TNR: variants seen among roughly 807,000 people sequenced by gnomAD.
The protein encoded by TNR is tenascin R.
TNR carries 45 observed loss-of-function variants against 150.4 expected under a neutral mutation model. The ratio of observed to expected loss-of-function variants is 0.30; its 90% CI spans 0.24 to 0.38. TNR has a LOEUF of 0.38. Ranked by LOEUF, TNR falls within the 10% of genes least tolerant of loss-of-function variation. The pLI is 1.00. For synonymous variants in TNR, 687 were observed against 678.4 expected, an observed-to-expected ratio of 1.01 and a Z score of -0.20; for missense variants, 1,544 against 1,759.1, an observed-to-expected ratio of 0.88 and a Z score of 2.19.
At chr1:175,562,386 T>C (rs1661466272) in intron 1 of TNR, among the ~76,000 whole-genome samples, 1 of 152,206 alleles carries the variant, frequency 6.6e-6, no homozygotes, top group South Asian at 2.1e-4. Context: ...TCCTAAGTGC[T>C]AAACAGATTT....
At chr1:175,352,555 C>A (rs1651103832) in intron 18 of TNR, among the ~76,000 whole-genome samples, 1 of 152,102 alleles carries the variant, frequency 6.6e-6, no homozygotes, top group East Asian at 1.9e-4. Context: ...AAGAGGGTAG[C>A]ACCTTAGTTC....
chr1:175,535,614 A>C (rs1047165713), intron 1 of TNR, among the ~76,000 whole-genome samples: 1 of 148,278 alleles, frequency 6.7e-6, no homozygotes, highest in Non-Finnish European at 1.5e-5. Context: ...GCACTCGCCA[A>C]CATGCCCGGC....
chr1:175,372,655 G>A (rs1195378388), intron 9 of TNR, among the ~76,000 whole-genome samples: 2 of 152,320 alleles, frequency 1.3e-5, no homozygotes, highest in Middle Eastern at 3.4e-3. Context: ...GCCTGCTGTC[G>A]CTAGCAGGGA....
intron 2 of TNR, among the ~76,000 whole-genome samples, chr1:175,409,452 T>C (rs1654109449): frequency 6.6e-6 from 1 of 152,050 alleles, no homozygotes. Flanking sequence ...AGCTACAAAA[T>C]TACATAGAGG....
At chr1:175,713,715 G>A (rs933576347) in intron 1 of TNR, among the ~76,000 whole-genome samples, 11 of 152,186 alleles carry the variant, frequency 7.2e-5, no homozygotes, top group African/African-American at 2.4e-4. Context: ...CTTAGGAGAA[G>A]AGTGACATTT....
At position 175,322,428 on chromosome 1, in the gene TNR, A is replaced by C. The variant is rs1368218292; in HGVS notation, c.*929T>G. ...AGAGCCACTGTTCTTGAAAGGTAACAGGACATGTGGCTGGTATAATAAGAG... is the reference window on the plus strand; with the variant it reads ...AGAGCCACTGTTCTTGAAAGGTAACCGGACATGTGGCTGGTATAATAAGAG... On this transcript the variant is annotated 3_prime_UTR_variant, in exon 23 of 23. Transcript: ENST00000367674. 1 of 152,284 alleles carries C rather than the reference A, an allele frequency of 6.6e-6. No individual in the cohort carries two copies. The highest frequency in any genetic ancestry group is 2.4e-5 in the African/African-American group (1 of 41,466). The allele number at this position is 152,284 out of a possible 1,614,324, so 9.4% of individuals were successfully genotyped here.
chr1:175,343,264 A>G (rs1650616825), intron 18 of TNR, among the ~76,000 whole-genome samples: 1 of 152,078 alleles, frequency 6.6e-6, no homozygotes, highest in Admixed American at 6.5e-5. Flanking sequence ...ACTATTCTTC[A>G]GCCTCATTAG....
intron 1 of TNR, among the ~76,000 whole-genome samples, chr1:175,530,391 A>G (rs1052817586): frequency 1.3e-5 from 2 of 152,174 alleles, no homozygotes; most frequent in Non-Finnish European, 2.9e-5. Flanking sequence ...TGGGCAAAGC[A>G]GCTCTTTTTG....
intron 2 of TNR, among the ~76,000 whole-genome samples, chr1:175,479,366 C>A (rs562695454): frequency 6.6e-6 from 1 of 152,270 alleles, no homozygotes; most frequent in South Asian, 2.1e-4. Context: ...TTTCCCCCCA[C>A]CAACAATGCG....
chr1:175,494,730 A>G (rs532181403), intron 2 of TNR, among the ~76,000 whole-genome samples: 1 of 152,334 alleles, frequency 6.6e-6, no homozygotes, highest in Non-Finnish European at 1.5e-5. Context: ...TAACAGTGGC[A>G]CACCATGTAT....
At chr1:175,328,844 G>C (rs182574302) in intron 21 of TNR, among the ~76,000 whole-genome samples, 7 of 152,330 alleles carry the variant, frequency 4.6e-5, no homozygotes, top group African/African-American at 1.7e-4. Flanking sequence ...AAGTTGGAGG[G>C]CTGGCTTCTT....
chr1:175,427,932 G>T (rs1311301101), intron 2 of TNR, among the ~76,000 whole-genome samples: 8 of 96,582 alleles, frequency 8.3e-5, no homozygotes, highest in African/African-American at 1.4e-4. Flanking sequence ...CTTCCTTCCT[G>T]TCTCCATTTC....
intron 1 of TNR, among the ~76,000 whole-genome samples, chr1:175,567,561 G>A (rs1320548185): frequency 6.6e-6 from 1 of 152,168 alleles, no homozygotes; most frequent in Non-Finnish European, 1.5e-5. Flanking sequence ...ACATGGCCAT[G>A]GGAGGAGCAT....
In TNR at chr1:175,599,403, C is replaced by A. The variant is rs1452337351; in HGVS notation, c.-164-71034G>T. Among the ~76,000 whole-genome samples, 1 of 152,254 alleles carries A rather than the reference C, an allele frequency of 6.6e-6. No homozygotes were observed. The highest frequency in any genetic ancestry group is 1.9e-4 in the East Asian group (1 of 5,198). On this transcript the variant is annotated intron_variant, in intron 1 of 22. Coordinates refer to ENST00000367674, the MANE Select transcript of TNR (RefSeq NM_003285.3). This position sits in a 1 kb window ranked among gnomAD's most constrained non-coding sequence, Gnocchi z 4.7. ...AGGCAGTCGGAGGGGCCCGGCGGAG[C>A]TGTGTTCGTGTTGTCATGGCGACGG...
rs1648996581 is a variant in TNR at position 175,320,768 on chromosome 1, TC to T, written c.*2588del. ...AATCAATCTCTCTCTTTTCTTTCCCTCCCTCCCTCCCCTTCCTTCTTTCCTT... is the reference window on the plus strand; with the variant it reads ...AATCAATCTCTCTCTTTTCTTTCCCTCCTCCCTCCCCTTCCTTCTTTCCTT... On this transcript the variant is annotated 3_prime_UTR_variant, in exon 23 of 23. Coordinates refer to ENST00000367674, the MANE Select transcript of TNR (RefSeq NM_003285.3). The T allele has an allele frequency of 1.4e-5, 2 of 140,700 alleles. No homozygotes were observed. Among genetic ancestry groups the T allele is most frequent in the South Asian group, 5.0e-4 (2 of 3,962 alleles). The allele number at this position is 140,700 out of a possible 1,614,324, so 8.7% of individuals were successfully genotyped here. A position where few individuals can be genotyped will look rare whatever the true frequency, so the allele number is the denominator to read the frequency against.
chr1:175,400,487 T>C (rs550450744), intron 4 of TNR, among the ~76,000 whole-genome samples: 1 of 152,316 alleles, frequency 6.6e-6, no homozygotes, highest in East Asian at 1.9e-4. Context: ...GGGCAGAGAA[T>C]GGAGGCAGAA....
At chr1:175,704,219 G>T (rs550393627) in intron 1 of TNR, among the ~76,000 whole-genome samples, 4 of 152,164 alleles carry the variant, frequency 2.6e-5, no homozygotes, top group African/African-American at 7.2e-5. Context: ...TTTATGTTAC[G>T]TGGATTTTAC....
intron 2 of TNR, among the ~76,000 whole-genome samples, chr1:175,411,160 A>G (rs12120354): frequency 0.027 from 4,170 of 152,246 alleles, 82 homozygotes; most frequent in Non-Finnish European, 0.044. Flanking sequence ...TTTTAGCTCA[A>G]AATACAGACT....
chr1:175,586,312 T>C (rs1662569278), intron 1 of TNR, among the ~76,000 whole-genome samples: 1 of 152,154 alleles, frequency 6.6e-6, no homozygotes, highest in Admixed American at 6.5e-5. Flanking sequence ...TTTTCTATAT[T>C]TCATTTTTGT....
Sources: gnomAD v4.1 joint callset for allele counts (sites outside exome capture counted in the v4.1 genomes callset) on GRCh38, gnomAD v4.1.1 for gene constraint, Gnocchi (gnomAD v3.1) non-coding constraint, MANE v1.5 for transcripts, NCBI Gene and HGNC (gene_info 2026-07-23, HGNC 2026-07-21) for gene names.